The following LARP4B variants were observed in gnomAD, a reference collection of about 807,000 sequenced individuals.
The protein encoded by LARP4B is La ribonucleoprotein 4B, also known as la-related protein 4B.
A neutral mutation model predicts 89.8 loss-of-function variants in LARP4B; 12 were observed. The observed-to-expected ratio is 0.13, with a 90% CI of 0.09 to 0.22. LARP4B has a LOEUF of 0.22. Ranked by LOEUF, LARP4B falls within the 10% of genes least tolerant of loss-of-function variation. The pLI, the probability that LARP4B is intolerant of heterozygous loss-of-function variation, is 1.00. For synonymous variants in LARP4B, 367 were observed against 363.3 expected (o/e 1.01, Z -0.12); for missense variants, 757 against 947.7 (o/e 0.80, Z 2.64).
chr10:874,975 C>G (rs979604416), intron 3 of LARP4B, among the ~76,000 whole-genome samples: 1 of 152,180 alleles, frequency 6.6e-6, no homozygotes, highest in Non-Finnish European at 1.5e-5. Context: ...GTAGATACTA[C>G]TAATTCACTG....
chr10:833,249 T>TAAAAAAAACAAAAA (rs1833001968), intron 8 of LARP4B, among the ~76,000 whole-genome samples: 1 of 52,038 alleles, frequency 1.9e-5, no homozygotes, highest in African/African-American at 7.2e-5. Flanking sequence ...TGATGAGCTT[T>TAAAAAAAACAAAAA]AAAAAAAAAA....
At position 825,235 on chromosome 10, in the gene LARP4B, A is replaced by C; in HGVS notation, c.1314T>G (p.Phe438Leu). 1 of 1,614,196 alleles carries C rather than the reference A, an allele frequency of 6.2e-7. No homozygotes were observed. Among genetic ancestry groups the C allele is most frequent in the Middle Eastern group, 1.7e-4 (1 of 6,060 alleles). The change falls in exon 13 of 18, where the codon TTT becomes TTG. Residue 438 changes from phenylalanine to leucine, a missense_variant. Transcript: ENST00000316157. ...GPGLLESPSI[F>L]NFTADRLING... ...TAATTAATCGATCTGCAGTGAAGTT[A>C]AATATTGAAGGACTTTCTAATAACC...
intron 5 of LARP4B, among the ~76,000 whole-genome samples, chr10:850,102 A>G (rs766509440): frequency 6.6e-6 from 1 of 152,210 alleles, no homozygotes; most frequent in Non-Finnish European, 1.5e-5. Context: ...AATAGGAAAA[A>G]CTGGGTGCCA....
the LARP4B span, among the ~76,000 whole-genome samples, chr10:976,640 G>A: frequency 4.0e-5 from 6 of 151,162 alleles, no homozygotes; most frequent in Non-Finnish European, 5.9e-5. Flanking sequence ...ATCATGCAAC[G>A]TGTGGACCCT....
At chr10:969,976 C>T in the LARP4B span, among the ~76,000 whole-genome samples, 6 of 152,124 alleles carry the variant, frequency 3.9e-5, no homozygotes, top group African/African-American at 9.7e-5. Context: ...GTCATGAGCC[C>T]GGACTGACGC....
intron 5 of LARP4B, among the ~76,000 whole-genome samples, chr10:846,031 A>G (rs1379150312): frequency 6.6e-6 from 1 of 152,182 alleles, no homozygotes; most frequent in African/African-American, 2.4e-5. Context: ...AAAGAAACCA[A>G]AACTGCTAAA....
At chr10:924,469 T>C (rs1837079837) in intron 1 of LARP4B, 1 of 152,192 alleles carries the variant, frequency 6.6e-6, no homozygotes, top group African/African-American at 2.4e-5. Flanking sequence ...GACAATTCTA[T>C]GACATAAAAT....
At chr10:945,849 C>G in the LARP4B span, among the ~76,000 whole-genome samples, 10 of 152,296 alleles carry the variant, frequency 6.6e-5, no homozygotes, top group East Asian at 1.9e-3. Flanking sequence ...GGCCCTGATC[C>G]AATGAGGTTG....
chr10:937,672 A>G, the LARP4B span, among the ~76,000 whole-genome samples: 1 of 152,134 alleles, frequency 6.6e-6, no homozygotes, highest in Non-Finnish European at 1.5e-5. Flanking sequence ...AGGAACAATC[A>G]GACAAACTCG....
At chr10:862,286 C>T (rs80110748) in intron 5 of LARP4B, among the ~76,000 whole-genome samples, 1 of 133,566 alleles carries the variant, frequency 7.5e-6, no homozygotes, top group African/African-American at 3.2e-5. Context: ...AAAAAACAAC[C>T]GTCACAGAAC....
intron 3 of LARP4B, among the ~76,000 whole-genome samples, chr10:882,753 G>A (rs1213070941): frequency 6.6e-6 from 1 of 152,122 alleles, no homozygotes; most frequent in Non-Finnish European, 1.5e-5. Flanking sequence ...TAGTACCAGT[G>A]GATAAATGCA....
At chr10:807,402 T>C (rs564773013), downstream of LARP4B, 3 of 152,286 alleles carry the variant, frequency 2.0e-5, no homozygotes, top group Non-Finnish European at 2.9e-5. Flanking sequence ...ATCCTGGTCG[T>C]GAATGAAAAT....
At chr10:864,013 A>G (rs113621363) in intron 4 of LARP4B, 110 bp downstream of exon 4, 20 of 1,557,310 alleles carry the variant, frequency 1.3e-5, no homozygotes, top group African/African-American at 1.1e-4. Flanking sequence ...GCACTGCCAC[A>G]TACCATGACA....
chr10:890,525 C>G (rs1835983539), intron 1 of LARP4B, among the ~76,000 whole-genome samples: 1 of 152,032 alleles, frequency 6.6e-6, no homozygotes, highest in African/African-American at 2.4e-5. Flanking sequence ...ATATTAAGTA[C>G]TAGTATAAAT....
At chr10:947,179 T>G in the LARP4B span, among the ~76,000 whole-genome samples, 1 of 152,092 alleles carries the variant, frequency 6.6e-6, no homozygotes, top group Non-Finnish European at 1.5e-5. Context: ...CGGAAGCACT[T>G]TTATCTGCCA....
intron 1 of LARP4B, among the ~76,000 whole-genome samples, chr10:913,332 T>C (rs1232110168): frequency 6.6e-6 from 1 of 152,244 alleles, no homozygotes; most frequent in African/African-American, 2.4e-5. Context: ...ATGTATCATA[T>C]ATATGTGATA....
intron 1 of LARP4B, among the ~76,000 whole-genome samples, chr10:893,640 T>G (rs1238606371): frequency 6.6e-6 from 1 of 152,220 alleles, no homozygotes; most frequent in Non-Finnish European, 1.5e-5. Context: ...CATCTACGCT[T>G]TTCCAGAGCA....
At chr10:978,577 G>A in the LARP4B span, among the ~76,000 whole-genome samples, 1 of 151,890 alleles carries the variant, frequency 6.6e-6, no homozygotes, top group Non-Finnish European at 1.5e-5. Flanking sequence ...ATTAACCTAG[G>A]AATTATAACA....
chr10:917,367 T>TA (rs762098726), intron 1 of LARP4B, among the ~76,000 whole-genome samples: 1 of 152,236 alleles, frequency 6.6e-6, no homozygotes, highest in Non-Finnish European at 1.5e-5. Flanking sequence ...TGAGTACTCT[T>TA]ATTTTATGAC....
Sources: allele counts gnomAD v4.1 joint callset (sites outside exome capture counted in the v4.1 genomes callset), GRCh38; gene constraint gnomAD v4.1.1; transcripts MANE v1.5; gene names NCBI Gene and HGNC (gene_info 2026-07-23, HGNC 2026-07-21).